The following HCRTR2 variants were observed in gnomAD, a reference collection of about 807,000 sequenced individuals.
The protein encoded by HCRTR2 is orexin receptor type 2.
HCRTR2 carries 22 observed loss-of-function variants against 49.0 expected under a neutral mutation model. That is an observed-to-expected ratio of 0.45 (90% confidence interval 0.32 to 0.64). HCRTR2 has a LOEUF of 0.64. HCRTR2 is among the 30% of genes least tolerant of loss of function. The pLI, the probability that HCRTR2 is intolerant of heterozygous loss-of-function variation, is 0.04. For synonymous variants in HCRTR2, 236 were observed against 205.3 expected, an observed-to-expected ratio of 1.15 and a Z score of -1.28; for missense variants, 491 against 559.4, an observed-to-expected ratio of 0.88 and a Z score of 1.23.
intron 1 of HCRTR2, among the ~76,000 whole-genome samples, chr6:55,208,138 A>G (rs1421273752): frequency 6.6e-6 from 1 of 151,984 alleles, no homozygotes; most frequent in Non-Finnish European, 1.5e-5. Context: ...TCTTTACAAA[A>G]AGGAGCAGAA....
intron 1 of HCRTR2, among the ~76,000 whole-genome samples, chr6:55,111,402 T>C (rs1764047571): frequency 6.6e-6 from 1 of 151,958 alleles, no homozygotes; most frequent in Non-Finnish European, 1.5e-5. Context: ...ATAAAATTGA[T>C]AGAACATTAG....
In HCRTR2 at chr6:55,183,095, G is replaced by T. The variant is rs538007853; in HGVS notation, c.223+8285G>T. ...ATTGTGCTTGGATTGAGGGTACAAA[G>T]GTAATAGAATCCAAGGAACCTGCAC... On this transcript the variant is annotated intron_variant, in intron 1 of 6. Coordinates refer to ENST00000370862, the MANE Select transcript of HCRTR2 (RefSeq NM_001384272.1). Among the ~76,000 whole-genome samples, 76 of 152,276 alleles carry T rather than the reference G, an allele frequency of 5.0e-4. 1 individual carries two copies. The South Asian group carries it at 7.2e-3, about 15-fold the overall frequency.
chr6:55,147,009 A>C (rs1764588565), intron 1 of HCRTR2, among the ~76,000 whole-genome samples: 1 of 152,198 alleles, frequency 6.6e-6, no homozygotes, highest in African/African-American at 2.4e-5. Context: ...CTACCTAAGC[A>C]CTGAAATTTT....
At position 55,272,292 on chromosome 6, in the gene HCRTR2, A is replaced by C. The variant is rs114208127; in HGVS notation, c.763-5088A>C. Among the ~76,000 whole-genome samples, 181 of 152,226 alleles carry C rather than the reference A, an allele frequency of 1.2e-3. 1 individual carries two copies. Among genetic ancestry groups the C allele is most frequent in the African/African-American group, 3.9e-3 (164 of 41,562 alleles). ...ATATTACATAATTCTATTTGCATGAAAATGTTGAGAATAGGCAAATATATA... is the reference window on the plus strand; with the variant it reads ...ATATTACATAATTCTATTTGCATGACAATGTTGAGAATAGGCAAATATATA... On this transcript the variant is annotated intron_variant, in intron 4 of 6. Transcript: ENST00000370862.
upstream of HCRTR2, among the ~76,000 whole-genome samples, chr6:55,170,809 A>G (rs1764939006): frequency 7.6e-6 from 1 of 131,998 alleles, no homozygotes; most frequent in East Asian, 2.3e-4. Context: ...TTTAATTCCC[A>G]CCTATGAGTG....
chr6:55,203,032 C>G (rs939897016), intron 1 of HCRTR2, among the ~76,000 whole-genome samples: 1 of 152,108 alleles, frequency 6.6e-6, no homozygotes, highest in African/African-American at 2.4e-5. Flanking sequence ...AAAAGCCAAG[C>G]CTATTCCCTT....
At chr6:55,179,567 C>A (rs1305326742) in intron 1 of HCRTR2, among the ~76,000 whole-genome samples, 1 of 152,050 alleles carries the variant, frequency 6.6e-6, no homozygotes, top group African/African-American at 2.4e-5. Flanking sequence ...TTATCATGGA[C>A]AGACAATAAT....
intron 1 of HCRTR2, among the ~76,000 whole-genome samples, chr6:55,196,143 A>C (rs1765405738): frequency 1.3e-5 from 2 of 151,918 alleles, no homozygotes; most frequent in Non-Finnish European, 2.9e-5. Flanking sequence ...CAACAACTAC[A>C]CTCCTGTTTC....
chr6:55,278,458 A>C (rs181361768), intron 5 of HCRTR2, among the ~76,000 whole-genome samples: 18 of 152,296 alleles, frequency 1.2e-4, no homozygotes, highest in African/African-American at 3.8e-4. Context: ...ACTCTGAAGA[A>C]CAGCAGCTTT....
chr6:55,167,101 A>G (rs1484164615), intron 1 of HCRTR2, among the ~76,000 whole-genome samples: 1 of 152,168 alleles, frequency 6.6e-6, no homozygotes, highest in Non-Finnish European at 1.5e-5. Context: ...TGAATATACT[A>G]TAAACCACTA....
intron 1 of HCRTR2, among the ~76,000 whole-genome samples, chr6:55,239,772 ATTTTTTTT>A (rs35160150): frequency 8.2e-6 from 1 of 121,354 alleles, no homozygotes; most frequent in African/African-American, 3.3e-5. Context: ...TAGGCGGTAA[ATTTTTTTT>A]TTTTTTTTTT....
intron 1 of HCRTR2, among the ~76,000 whole-genome samples, chr6:55,178,661 C>A (rs1034153240): frequency 1.3e-5 from 2 of 152,114 alleles, no homozygotes; most frequent in African/African-American, 2.4e-5. Flanking sequence ...GGCCTCTGCC[C>A]CAGCCTTTTC....
At chr6:55,242,382 TG>T (rs1349523763) in intron 1 of HCRTR2, among the ~76,000 whole-genome samples, 1 of 131,788 alleles carries the variant, frequency 7.6e-6, no homozygotes, top group Non-Finnish European at 1.6e-5. Context: ...TCCTAGCCCC[TG>T]GGGGAAAAAA....
intron 1 of HCRTR2, among the ~76,000 whole-genome samples, chr6:55,148,171 C>A (rs923091664): frequency 6.6e-6 from 1 of 151,928 alleles, no homozygotes; most frequent in African/African-American, 2.4e-5. Flanking sequence ...TTAAAAATGG[C>A]AGCAAAGGGC....
chr6:55,136,856 G>A (rs1247682868), intron 1 of HCRTR2, among the ~76,000 whole-genome samples: 1 of 152,150 alleles, frequency 6.6e-6, no homozygotes, highest in East Asian at 1.9e-4. Context: ...TGGACATGGG[G>A]ACCCTGGCTG....
intron 1 of HCRTR2, among the ~76,000 whole-genome samples, chr6:55,191,369 A>G (rs1765312244): frequency 6.6e-6 from 1 of 152,170 alleles, no homozygotes; most frequent in African/African-American, 2.4e-5. Context: ...GATTTTCTAT[A>G]TAAAGTCAGT....
At chr6:55,211,904 G>A (rs1765702611) in intron 1 of HCRTR2, among the ~76,000 whole-genome samples, 1 of 152,116 alleles carries the variant, frequency 6.6e-6, no homozygotes, top group African/African-American at 2.4e-5. Flanking sequence ...TTTGATCAGC[G>A]ACACCTTGCC....
chr6:55,197,226 C>T (rs1040263490), intron 1 of HCRTR2, among the ~76,000 whole-genome samples: 1 of 152,222 alleles, frequency 6.6e-6, no homozygotes. Flanking sequence ...AACCACAAAC[C>T]TACTTCTAAC....
intron 1 of HCRTR2, among the ~76,000 whole-genome samples, chr6:55,147,740 A>G (rs1477747163): frequency 6.6e-6 from 1 of 152,202 alleles, no homozygotes; most frequent in African/African-American, 2.4e-5. Context: ...TGATGATGAT[A>G]TATAGTTACT....
Sources: allele counts gnomAD v4.1 joint callset (sites outside exome capture counted in the v4.1 genomes callset), GRCh38; gene constraint gnomAD v4.1.1; transcripts MANE v1.5; gene names NCBI Gene and HGNC (gene_info 2026-07-23, HGNC 2026-07-21).